The following PPM1H variants were observed in gnomAD, a reference collection of about 807,000 sequenced individuals.
PPM1H encodes the protein protein phosphatase 1H.
PPM1H carries 27 observed loss-of-function variants against 54.9 expected under a neutral mutation model. That is an observed-to-expected ratio of 0.49 (90% CI 0.36 to 0.68). The LOEUF is 0.68. PPM1H is among the 30% of genes least tolerant of loss of function. PPM1H has a pLI of 0.00. For synonymous variants in PPM1H, 305 were observed against 270.8 expected (o/e 1.13, Z -1.24); for missense variants, 596 against 667.8 (o/e 0.89, Z 1.19).
intron 9 of PPM1H, among the ~76,000 whole-genome samples, chr12:62,661,177 G>C (rs543226148): frequency 2.6e-5 from 4 of 152,050 alleles, no homozygotes; most frequent in African/African-American, 9.7e-5. Flanking sequence ...CCTCGCTCCT[G>C]TTTATTCTTC....
chr12:62,648,728 GT>G, intron 9 of PPM1H, 92 bp from the exon 10 acceptor site: 2 of 1,374,654 alleles, frequency 1.5e-6, no homozygotes, highest in South Asian at 2.6e-5. Context: ...CATCACTACA[GT>G]TGTATAAATA....
intron 2 of PPM1H, among the ~76,000 whole-genome samples, chr12:62,807,030 G>A (rs965506439): frequency 1.3e-5 from 2 of 152,138 alleles, no homozygotes; most frequent in African/African-American, 4.8e-5. Flanking sequence ...GAGGGGAGGG[G>A]AGAGAATCCC....
rs536006200 is a variant in PPM1H, at chr12:62,864,503, T to G, written c.246-32224A>C. Among the ~76,000 whole-genome samples the G allele has an allele frequency of 5.3e-5, 8 of 152,358 alleles. No homozygotes were observed. The South Asian group carries it at 1.7e-3, about 32-fold the overall frequency. On this transcript the variant is annotated intron_variant, in intron 1 of 9. Transcript: ENST00000228705. ...ATATAGAATTTTAGCTTTGCAGGAT[T>G]GCAGGATATTTAGCATTGCTGTCAG...
chr12:62,813,115 G>T (rs767491322), intron 2 of PPM1H, among the ~76,000 whole-genome samples: 40 of 152,118 alleles, frequency 2.6e-4, no homozygotes, highest in Non-Finnish European at 5.3e-4. Flanking sequence ...AGAAGGAGAG[G>T]TTCTAGACAT....
chr12:62,890,494 T>A (rs1348195186), intron 1 of PPM1H, among the ~76,000 whole-genome samples: 1 of 152,074 alleles, frequency 6.6e-6, no homozygotes, highest in Non-Finnish European at 1.5e-5. Context: ...CTAAATCTGT[T>A]CTAAAAAATA....
At chr12:62,710,220 A>G (rs770868919) in intron 6 of PPM1H, among the ~76,000 whole-genome samples, 1 of 152,088 alleles carries the variant, frequency 6.6e-6, no homozygotes, top group African/African-American at 2.4e-5. Flanking sequence ...TTGGAAGACT[A>G]CAGGAGTACA....
intron 6 of PPM1H, among the ~76,000 whole-genome samples, chr12:62,713,849 G>A (rs2076221218): frequency 6.6e-6 from 1 of 151,996 alleles, no homozygotes; most frequent in Non-Finnish European, 1.5e-5. Flanking sequence ...CACACCTGTA[G>A]TACCAGCTAC....
intron 4 of PPM1H, among the ~76,000 whole-genome samples, chr12:62,760,865 CCCAGGTTAAAGATTA>C (rs1191594750): frequency 5.3e-5 from 8 of 152,202 alleles, no homozygotes; most frequent in Non-Finnish European, 1.0e-4. Context: ...AGCACTGAGT[CCCAGGTTAAAGATTA>C]CATTCTAACC....
At chr12:62,774,248 G>C (rs1346191505) in intron 4 of PPM1H, among the ~76,000 whole-genome samples, 1 of 152,174 alleles carries the variant, frequency 6.6e-6, no homozygotes, top group African/African-American at 2.4e-5. Context: ...TTTGCTACGG[G>C]ACAAGATTGT....
intron 1 of PPM1H, among the ~76,000 whole-genome samples, chr12:62,889,605 G>A (rs771950719): frequency 6.6e-6 from 1 of 152,118 alleles, no homozygotes; most frequent in Non-Finnish European, 1.5e-5. Flanking sequence ...AGAAGACAGA[G>A]CCCAGAAATA....
chr12:62,801,754 C>T (rs573588621), intron 3 of PPM1H, 62 bp downstream of exon 3: 35 of 1,560,716 alleles, frequency 2.2e-5, no homozygotes, highest in East Asian at 9.1e-5. Flanking sequence ...CCAGGAAGGA[C>T]GGACAGACCT....
chr12:62,689,313 A>C (rs764424379), intron 8 of PPM1H, among the ~76,000 whole-genome samples: 10 of 152,260 alleles, frequency 6.6e-5, no homozygotes, highest in Non-Finnish European at 7.3e-5. Context: ...AGAGAAGTCC[A>C]GACCAAATTA....
intron 1 of PPM1H, among the ~76,000 whole-genome samples, chr12:62,921,655 C>G (rs1377944206): frequency 2.0e-5 from 3 of 152,138 alleles, no homozygotes; most frequent in Non-Finnish European, 4.4e-5. Context: ...TGTGGTGGTG[C>G]CCACTCACAA....
intron 1 of PPM1H, among the ~76,000 whole-genome samples, chr12:62,894,528 A>G (rs1870913117): frequency 6.6e-6 from 1 of 152,218 alleles, no homozygotes; most frequent in East Asian, 1.9e-4. Flanking sequence ...GCCTCAAATT[A>G]GCTTTGGTAA....
intron 1 of PPM1H, among the ~76,000 whole-genome samples, chr12:62,862,866 C>A (rs1012763610): frequency 9.2e-5 from 14 of 152,176 alleles, no homozygotes; most frequent in Admixed American, 9.2e-4. Context: ...TCATTTCAAT[C>A]TTTTAAAAAT....
chr12:62,932,806 T>C (rs1201966440), intron 1 of PPM1H, among the ~76,000 whole-genome samples: 1 of 151,692 alleles, frequency 6.6e-6, no homozygotes, highest in African/African-American at 2.4e-5. Context: ...GGCTAATTTT[T>C]GTATTTTTAG....
intron 1 of PPM1H, among the ~76,000 whole-genome samples, chr12:62,906,060 C>A (rs1871293968): frequency 6.6e-6 from 1 of 152,158 alleles, no homozygotes; most frequent in South Asian, 2.1e-4. Flanking sequence ...AAAATGGAGC[C>A]TAGCCAGATG....
chr12:62,900,416 T>G (rs1314192268), intron 1 of PPM1H, among the ~76,000 whole-genome samples: 1 of 151,826 alleles, frequency 6.6e-6, no homozygotes, highest in African/African-American at 2.4e-5. Context: ...GGGATAGTAT[T>G]AGGAGATATA....
intron 1 of PPM1H, among the ~76,000 whole-genome samples, chr12:62,889,933 T>C (rs1013919116): frequency 6.6e-6 from 1 of 152,230 alleles, no homozygotes; most frequent in Admixed American, 6.5e-5. Context: ...AGCTAGACTT[T>C]ATTAAAATTA....
Sources: gnomAD v4.1 joint callset for allele counts (sites outside exome capture counted in the v4.1 genomes callset) on GRCh38, gnomAD v4.1.1 for gene constraint, MANE v1.5 for transcripts, NCBI Gene and HGNC (gene_info 2026-07-23, HGNC 2026-07-21) for gene names.